RBFOX1: variants seen among roughly 807,000 people sequenced by gnomAD.
RBFOX1 encodes the protein RNA binding protein fox-1 homolog 1.
Under a neutral mutation model 57.7 loss-of-function variants are expected in RBFOX1, and 8 were observed. The ratio of observed to expected loss-of-function variants is 0.14; its 90% confidence interval spans 0.08 to 0.25. RBFOX1 has a LOEUF of 0.25. Ranked by LOEUF, RBFOX1 falls within the 10% of genes least tolerant of loss-of-function variation. The probability of loss-of-function intolerance (pLI) is 1.00; values close to 1 mark genes in which losing one functional copy is unlikely to be tolerated. For synonymous variants in RBFOX1, 326 were observed against 222.4 expected, an observed-to-expected ratio of 1.47 and a Z score of -4.15; for missense variants, 611 against 548.5, an observed-to-expected ratio of 1.11 and a Z score of -1.14.
At chr16:6,427,012 A>G (rs1199546893) in intron 2 of RBFOX1, among the ~76,000 whole-genome samples, 1 of 152,192 alleles carries the variant, frequency 6.6e-6, no homozygotes, top group African/African-American at 2.4e-5. Context: ...AATGCAGACT[A>G]TGGCATGAAC....
intron 11 of RBFOX1, among the ~76,000 whole-genome samples, chr16:7,644,136 A>G (rs775296350): frequency 6.6e-6 from 1 of 152,196 alleles, no homozygotes; most frequent in Non-Finnish European, 1.5e-5. Flanking sequence ...TTTATGTTGC[A>G]TGATGGATAA....
intron 1 of RBFOX1, among the ~76,000 whole-genome samples, chr16:5,425,168 C>G (rs112758889): frequency 1.3e-5 from 2 of 150,424 alleles, no homozygotes; most frequent in East Asian, 2.0e-4. Context: ...TGCAGTGGTG[C>G]GATCTTGGCT....
rs544309591 is a variant in RBFOX1, at chr16:7,502,526, G to A, written c.28-15621G>A. Among the ~76,000 whole-genome samples, 54 of 152,302 alleles carry A rather than the reference G, an allele frequency of 3.5e-4. 1 individual carries two copies. The highest frequency in any genetic ancestry group is 5.7e-4 in the Non-Finnish European group (39 of 68,030). On this transcript the variant is annotated intron_variant, in intron 4 of 15. Coordinates refer to ENST00000550418, the MANE Select transcript of RBFOX1 (RefSeq NM_018723.4). ...TTTACGTACCCAGCTTTGAAAAGGGGCTGAAGAAGAAATAGAAGATATGTT... is the reference window on the plus strand; with the variant it reads ...TTTACGTACCCAGCTTTGAAAAGGGACTGAAGAAGAAATAGAAGATATGTT...
chr16:7,029,926 G>C (rs2042356453), intron 3 of RBFOX1, among the ~76,000 whole-genome samples: 1 of 152,194 alleles, frequency 6.6e-6, no homozygotes, highest in African/African-American at 2.4e-5. Context: ...TAGAATGGGA[G>C]ATTTGGAGAA....
At chr16:6,896,404 A>G (rs562796228) in intron 3 of RBFOX1, among the ~76,000 whole-genome samples, 2 of 152,300 alleles carry the variant, frequency 1.3e-5, no homozygotes, top group South Asian at 4.2e-4. Context: ...CTTTAAACTC[A>G]TCAACCATCC....
chr16:6,256,261 A>ATATATATATGTATATATATATGTG (rs1567788833), intron 1 of RBFOX1, among the ~76,000 whole-genome samples: 36 of 105,078 alleles, frequency 3.4e-4, no homozygotes, highest in African/African-American at 1.4e-3. Flanking sequence ...ATATATGTGT[A>ATATATATATGTATATATATATGTG]TATATATATG....
intron 4 of RBFOX1, among the ~76,000 whole-genome samples, chr16:5,905,257 G>A (rs1192517348): frequency 6.6e-6 from 1 of 151,420 alleles, no homozygotes; most frequent in African/African-American, 2.4e-5. Flanking sequence ...TAGTAGAGAC[G>A]GCCCAGGCTG....
chr16:6,129,447 G>C (rs1466173523), intron 1 of RBFOX1, among the ~76,000 whole-genome samples: 1 of 152,106 alleles, frequency 6.6e-6, no homozygotes, highest in Non-Finnish European at 1.5e-5. Context: ...TGAATTTGAA[G>C]ACAGAACAGA....
At chr16:7,415,314 C>G (rs1019291628) in intron 4 of RBFOX1, among the ~76,000 whole-genome samples, 2 of 152,126 alleles carry the variant, frequency 1.3e-5, no homozygotes, top group Admixed American at 6.5e-5. Context: ...CAAGATAAAT[C>G]CATATCTTCT....
chr16:6,764,638 T>C (rs373024274), intron 3 of RBFOX1, among the ~76,000 whole-genome samples: 3 of 152,130 alleles, frequency 2.0e-5, no homozygotes, highest in East Asian at 1.9e-4. Context: ...ATGATAATTA[T>C]TAAGAGTAAA....
chr16:6,033,481 T>C (rs540961314), intron 1 of RBFOX1, among the ~76,000 whole-genome samples: 4 of 152,352 alleles, frequency 2.6e-5, no homozygotes, highest in Non-Finnish European at 5.9e-5. Flanking sequence ...ATACAAACAT[T>C]TACACAGATA....
chr16:6,906,296 G>T (rs370883596), intron 3 of RBFOX1, among the ~76,000 whole-genome samples: 7 of 151,730 alleles, frequency 4.6e-5, no homozygotes, highest in East Asian at 3.9e-4. Context: ...ATTTATGTCT[G>T]TTGGCTGGGG....
At position 6,450,815 on chromosome 16, in the gene RBFOX1, A is replaced by G. The variant is rs1237236868; in HGVS notation, c.-64+133758A>G. Among the ~76,000 whole-genome samples, 39 of 13,766 alleles carry G rather than the reference A, an allele frequency of 2.8e-3. 4 individuals carry two copies. The highest frequency in any genetic ancestry group is 8.0e-3 in the Admixed American group (6 of 752). 9.0% of individuals were successfully genotyped at this position (13,766 alleles called of 152,430 possible). On this transcript the variant is annotated intron_variant, in intron 2 of 15. Transcript: ENST00000550418. ...CATATATATATGTATATATATATATATACATATATATATATATATATGTGT... is the reference window on the plus strand; with the variant it reads ...CATATATATATGTATATATATATATGTACATATATATATATATATATGTGT...
chr16:5,921,618 T>A (rs1567150248), intron 4 of RBFOX1, among the ~76,000 whole-genome samples: 3 of 152,144 alleles, frequency 2.0e-5, no homozygotes, highest in African/African-American at 7.2e-5. Context: ...AGGAAGTGTG[T>A]TAGGTGGTTC....
intron 4 of RBFOX1, among the ~76,000 whole-genome samples, chr16:7,482,469 AGTTGTTGTT>A (rs139487781): frequency 1.1e-5 from 1 of 88,104 alleles, no homozygotes; most frequent in African/African-American, 8.5e-5. Context: ...ATTTCATCCC[AGTTGTTGTT>A]GTTGTTGTTG....
chr16:7,023,393 G>A (rs191688889), intron 3 of RBFOX1, among the ~76,000 whole-genome samples: 1 of 151,422 alleles, frequency 6.6e-6, no homozygotes, highest in African/African-American at 2.4e-5. Flanking sequence ...CCAGGAGGCA[G>A]AGGTTGCAGT....
chr16:5,607,490 G>C (rs995465708), intron 3 of RBFOX1, among the ~76,000 whole-genome samples: 2 of 152,170 alleles, frequency 1.3e-5, no homozygotes, highest in African/African-American at 2.4e-5. Context: ...GAGGATGGCT[G>C]TGCCCCCTGG....
At chr16:7,204,927 G>A (rs910882515) in intron 4 of RBFOX1, among the ~76,000 whole-genome samples, 7 of 152,110 alleles carry the variant, frequency 4.6e-5, no homozygotes, top group African/African-American at 1.7e-4. Context: ...CACTGTCTGG[G>A]ACTATGCACT....
chr16:5,397,457 C>T, intron 1 of RBFOX1, among the ~76,000 whole-genome samples: 1 of 152,224 alleles, frequency 6.6e-6, no homozygotes, highest in Non-Finnish European at 1.5e-5. Flanking sequence ...CATGTGAGGT[C>T]TGTGGTACTT....
Sources: allele counts gnomAD v4.1 joint callset (sites outside exome capture counted in the v4.1 genomes callset), GRCh38; gene constraint gnomAD v4.1.1; transcripts MANE v1.5; gene names NCBI Gene and HGNC (gene_info 2026-07-23, HGNC 2026-07-21).